The following KLF8 variants were observed in gnomAD, a reference collection of about 807,000 sequenced individuals.
The protein encoded by KLF8 is Krueppel-like factor 8.
In KLF8, 10 loss-of-function variants were observed where a neutral mutation model predicts 18.2. The observed-to-expected ratio is 0.55, with a 90% confidence interval of 0.34 to 0.93. The LOEUF is 0.93. KLF8 is among the 40% of genes least tolerant of loss of function. The probability of loss-of-function intolerance (pLI) is 0.02; values close to 1 mark genes in which losing one functional copy is unlikely to be tolerated. For missense variants in KLF8, 264 were observed against 277.9 expected (o/e 0.95, Z 0.36); for synonymous variants, 109 against 97.3 (o/e 1.12, Z -0.71).
chrX:56,175,149 T>C, the KLF8 span, among the ~76,000 whole-genome samples: 1 of 111,448 alleles, frequency 9.0e-6, no homozygotes, highest in African/African-American at 3.3e-5. Flanking sequence ...CTTTTGAATG[T>C]GTTTGCTGTG....
At chrX:56,096,799 A>T in the KLF8 span, among the ~76,000 whole-genome samples, 1 of 111,437 alleles carries the variant, frequency 9.0e-6, no homozygotes, top group Non-Finnish European at 1.9e-5. Context: ...AATTACTAAT[A>T]TGAGAAATAA....
the KLF8 span, among the ~76,000 whole-genome samples, chrX:56,138,046 C>CCAA: frequency 1.8e-5 from 1 of 56,647 alleles, no homozygotes; most frequent in African/African-American, 7.3e-5. Context: ...CACAGAAATA[C>CCAA]AAAAAAAAAA....
the KLF8 span, among the ~76,000 whole-genome samples, chrX:55,982,899 T>C: frequency 8.9e-6 from 1 of 112,121 alleles, no homozygotes; most frequent in African/African-American, 3.2e-5. Context: ...TCATGTAAGG[T>C]AAATGAATGA....
At chrX:56,085,987 C>G in the KLF8 span, among the ~76,000 whole-genome samples, 3 of 111,807 alleles carry the variant, frequency 2.7e-5, no homozygotes, top group Non-Finnish European at 5.6e-5. Flanking sequence ...TTTAATGGTA[C>G]TTCTAAACAA....
chrX:55,964,992 G>A, the KLF8 span, among the ~76,000 whole-genome samples: 1 of 111,587 alleles, frequency 9.0e-6, no homozygotes, highest in Non-Finnish European at 1.9e-5. Flanking sequence ...AAAAGACCTG[G>A]TACCAATCCT....
the KLF8 span, among the ~76,000 whole-genome samples, chrX:56,112,430 G>T: frequency 4.5e-5 from 5 of 111,454 alleles, no homozygotes; most frequent in African/African-American, 1.6e-4. Context: ...GTATACCTAT[G>T]TAACAAACTT....
chrX:56,230,177 A>G (rs1420568899), upstream of KLF8, among the ~76,000 whole-genome samples: 3 of 112,552 alleles, frequency 2.7e-5, no homozygotes, highest in Non-Finnish European at 3.7e-5. Flanking sequence ...ATTCAGGGCT[A>G]GTAGTGGCTA....
the KLF8 span, among the ~76,000 whole-genome samples, chrX:55,947,005 G>A: frequency 1.8e-5 from 2 of 111,699 alleles, no homozygotes; most frequent in Non-Finnish European, 3.8e-5. Context: ...TGGAGAGGAT[G>A]TGGAAAAATA....
the KLF8 span, among the ~76,000 whole-genome samples, chrX:56,213,590 T>C: frequency 1.8e-5 from 2 of 110,462 alleles, no homozygotes; most frequent in Admixed American, 1.9e-4. Context: ...CTCAAAGTGC[T>C]GGGATAACAG....
chrX:56,249,734 T>C (rs2066677364), intron 1 of KLF8, among the ~76,000 whole-genome samples: 1 of 111,768 alleles, frequency 8.9e-6, no homozygotes, highest in Admixed American at 9.6e-5. Flanking sequence ...AGACACTAAT[T>C]CCTTTTTTTA....
chrX:56,050,403 T>G, the KLF8 span, among the ~76,000 whole-genome samples: 3 of 112,298 alleles, frequency 2.7e-5, no homozygotes, highest in Non-Finnish European at 5.6e-5. Flanking sequence ...TTGTGGGCAT[T>G]TAGTGCTATA....
chrX:55,957,407 A>G, the KLF8 span, among the ~76,000 whole-genome samples: 1 of 111,683 alleles, frequency 9.0e-6, no homozygotes, highest in African/African-American at 3.3e-5. Context: ...TTTAGGAAGA[A>G]TTTTTCTATT....
the KLF8 span, among the ~76,000 whole-genome samples, chrX:55,959,885 C>CAA: frequency 0.026 from 2,528 of 98,911 alleles, 69 homozygotes; most frequent in African/African-American, 0.087. Flanking sequence ...TAGGAAAATG[C>CAA]AAAAAAAAAA....
intron 1 of KLF8, among the ~76,000 whole-genome samples, chrX:56,247,438 T>C (rs2066636960): frequency 8.9e-6 from 1 of 111,965 alleles, no homozygotes; most frequent in South Asian, 3.7e-4. Context: ...TTTTAAACAG[T>C]GTACACTAGG....
chrX:56,044,109 C>T, the KLF8 span, among the ~76,000 whole-genome samples: 2 of 112,003 alleles, frequency 1.8e-5, no homozygotes, highest in African/African-American at 3.2e-5. Context: ...AGTTGCCTCA[C>T]TTTCTTCTGT....
chrX:55,995,776 G>A, the KLF8 span, among the ~76,000 whole-genome samples: 1 of 111,277 alleles, frequency 9.0e-6, no homozygotes, highest in Non-Finnish European at 1.9e-5. Context: ...CCCTGTGAAG[G>A]TGACTTCTCT....
the KLF8 span, among the ~76,000 whole-genome samples, chrX:56,042,020 A>G: frequency 8.9e-6 from 1 of 111,873 alleles, no homozygotes; most frequent in African/African-American, 3.2e-5. Flanking sequence ...ATTTAGTGCT[A>G]TAAATTTCTC....
chrX:56,096,331 C>T, the KLF8 span, among the ~76,000 whole-genome samples: 1 of 110,933 alleles, frequency 9.0e-6, no homozygotes, highest in African/African-American at 3.3e-5. Context: ...GAAAAATTAC[C>T]TATTGGGTAA....
At chrX:56,152,288 A>G in the KLF8 span, among the ~76,000 whole-genome samples, 2 of 111,135 alleles carry the variant, frequency 1.8e-5, no homozygotes, top group Non-Finnish European at 3.8e-5. Context: ...GGCAGATGGT[A>G]CCTTCGTGTG....
Sources: gnomAD v4.1 joint callset for allele counts (sites outside exome capture counted in the v4.1 genomes callset) on GRCh38, gnomAD v4.1.1 for gene constraint, MANE v1.5 for transcripts, NCBI Gene and HGNC (gene_info 2026-07-23, HGNC 2026-07-21) for gene names.